The following DGKD variants were observed in gnomAD, a reference collection of about 807,000 sequenced individuals.
The protein encoded by DGKD is DAG kinase delta.
A neutral mutation model predicts 154.4 loss-of-function variants in DGKD; 68 were observed. The ratio of observed to expected loss-of-function variants is 0.44; its 90% CI spans 0.36 to 0.54. DGKD has a LOEUF of 0.54. Among genes scored for constraint, DGKD ranks in the 20% least tolerant of loss-of-function variants. DGKD has a pLI of 0.00. For synonymous variants in DGKD, 693 were observed against 638.0 expected (o/e 1.09, Z -1.30); for missense variants, 1,343 against 1,593.6 (o/e 0.84, Z 2.68).
At chr2:233,370,572 T>TTTTTG (rs1553620748) in intron 1 of DGKD, among the ~76,000 whole-genome samples, 5 of 136,178 alleles carry the variant, frequency 3.7e-5, no homozygotes, top group African/African-American at 1.4e-4. Context: ...AACTTCTTCT[T>TTTTTG]TTTTTTTTTT....
At chr2:233,393,881 C>T (rs1032758085) in intron 3 of DGKD, among the ~76,000 whole-genome samples, 2 of 151,664 alleles carry the variant, frequency 1.3e-5, no homozygotes, top group Non-Finnish European at 2.9e-5. Flanking sequence ...AGGGTTTCAC[C>T]GTGTTGGCTA....
At chr2:233,447,171 C>T (rs1331322601) in intron 12 of DGKD, among the ~76,000 whole-genome samples, 1 of 137,906 alleles carries the variant, frequency 7.3e-6, no homozygotes, top group Non-Finnish European at 1.5e-5. Flanking sequence ...CTCTAGCCGG[C>T]TCTGCCGCGG....
Position 233,437,368 on chromosome 2 carries a change from T to C in DGKD, c.820-9T>C, listed in dbSNP as rs143203690. ...GTGACCCTTGGTGACGCGGGGACTC[T>C]TGTTTCAGGTTCACACATCGTGTAA... On this transcript the variant is annotated splice_polypyrimidine_tract_variant and intron_variant, in intron 7 of 29. Transcript: ENST00000264057. The C allele has an allele frequency of 9.3e-6, 15 of 1,613,866 alleles. No homozygotes were observed. The African/African-American group carries it at 1.3e-4, about 14-fold the overall frequency.
Position 233,452,165 on chromosome 2 carries a change from C to A in DGKD, c.2264+105C>A. ...GAGAAATTAGTGAGCAGTTGCCCAG[C>A]TGGTGGTAGCTGATAAGGAAGGCTG... On this transcript the variant is annotated intron_variant, in intron 18 of 29. Coordinates refer to ENST00000264057, the MANE Select transcript of DGKD (RefSeq NM_152879.3). This position sits in a 1 kb window ranked among gnomAD's most constrained non-coding sequence, Gnocchi z 4.0. 9.6e-7 allele frequency: 1 copy of A among 1,038,074 alleles called. No homozygotes were observed. Among genetic ancestry groups the A allele is most frequent in the South Asian group, 1.4e-5 (1 of 72,812 alleles). 64.3% of individuals were successfully genotyped at this position (1,038,074 alleles called of 1,614,324 possible).
At chr2:233,423,876 G>A (rs887048370) in intron 3 of DGKD, among the ~76,000 whole-genome samples, 2 of 152,138 alleles carry the variant, frequency 1.3e-5, no homozygotes, top group South Asian at 2.1e-4. Context: ...GGTATACCAG[G>A]TAAAAAGAAA....
At chr2:233,468,168 G>C (rs1300297421) in intron 28 of DGKD, among the ~76,000 whole-genome samples, 1 of 151,094 alleles carries the variant, frequency 6.6e-6, no homozygotes, top group Admixed American at 6.6e-5. Context: ...CTGTTGGCTG[G>C]GTGATGGATA....
chr2:233,375,316 G>A (rs1344416698), intron 1 of DGKD, among the ~76,000 whole-genome samples: 3 of 151,858 alleles, frequency 2.0e-5, no homozygotes, highest in South Asian at 2.1e-4. Context: ...AGAAAAAAAA[G>A]AAAGAAAACA....
rs371810174 is a variant in DGKD at position 233,467,242 on chromosome 2, C to T, written c.3424+39C>T. Reference sequence around the variant, plus strand: ...TCCCGCGTGTGTTTCTGGCCGTCCACGCCTGCTGGATCGGCCCCGTTCCCC... The same window carrying T: ...TCCCGCGTGTGTTTCTGGCCGTCCATGCCTGCTGGATCGGCCCCGTTCCCC... On this transcript the variant is annotated intron_variant, in intron 28 of 29. Transcript: ENST00000264057. 44 of 1,431,652 alleles carry T rather than the reference C, an allele frequency of 3.1e-5. 1 individual carries two copies. Among genetic ancestry groups the T allele is most frequent in the African/African-American group, 2.9e-4 (21 of 71,274 alleles). The allele number at this position is 1,431,652 out of a possible 1,614,324, so 88.7% of individuals were successfully genotyped here.
chr2:233,401,088 A>G (rs1048564575), intron 3 of DGKD, among the ~76,000 whole-genome samples: 5 of 151,824 alleles, frequency 3.3e-5, no homozygotes, highest in Admixed American at 6.6e-5. Flanking sequence ...TCATTCTTTA[A>G]GGCAAGCCAG....
chr2:233,383,921 G>A (rs1703027394), intron 1 of DGKD, among the ~76,000 whole-genome samples: 4 of 152,178 alleles, frequency 2.6e-5, no homozygotes, highest in Admixed American at 6.5e-5. Context: ...TTCCGGCAGT[G>A]GGAAGCAGGT....
intron 1 of DGKD, among the ~76,000 whole-genome samples, chr2:233,368,834 G>C (rs186319276): frequency 2.6e-5 from 4 of 152,288 alleles, no homozygotes; most frequent in Non-Finnish European, 4.4e-5. Context: ...GTCTTTAAAG[G>C]CTTGCTTGCT....
At chr2:233,454,918 G>T (rs2063407411) in intron 19 of DGKD, 45 bp downstream of exon 19, 8 of 1,246,386 alleles carry the variant, frequency 6.4e-6, no homozygotes, top group Non-Finnish European at 8.2e-6. Context: ...GCGTCTTTGT[G>T]GCTTCTCCTT....
At chr2:233,428,183 G>A (rs2062376983) in intron 3 of DGKD, among the ~76,000 whole-genome samples, 2 of 152,186 alleles carry the variant, frequency 1.3e-5, no homozygotes. Flanking sequence ...GGTTGGTGTG[G>A]GGGCTGGAGC....
At position 233,436,269 on chromosome 2, in the gene DGKD, G is replaced by A. The variant is rs530187438; in HGVS notation, c.694-47G>A. ...CGAGCATTTCCTGGCTGCCCTGGACGTGGAACCTTGGGAGCGTCCCTAGTG... is the reference window on the plus strand; with the variant it reads ...CGAGCATTTCCTGGCTGCCCTGGACATGGAACCTTGGGAGCGTCCCTAGTG... On this transcript the variant is annotated intron_variant, in intron 6 of 29. Coordinates refer to ENST00000264057, the MANE Select transcript of DGKD (RefSeq NM_152879.3). 53 of 1,611,048 alleles carry A rather than the reference G, an allele frequency of 3.3e-5. No individual in the cohort carries two copies. The East Asian group carries it at 7.6e-4, about 23-fold the overall frequency.
chr2:233,449,123 G>A lies in DGKD; in HGVS notation c.1635G>A (p.Lys545=), dbSNP rs1257060082. 1 of 1,598,494 alleles carries A rather than the reference G, an allele frequency of 6.3e-7. No homozygotes were observed. Among genetic ancestry groups the A allele is most frequent in the South Asian group, 1.1e-5 (1 of 90,750 alleles). ...TTCAGTGCTCTGTCCTGAAAGAGAAGCTGGATTCCCTTCTCAAGACCTTGG... is the reference window on the plus strand; with the variant it reads ...TTCAGTGCTCTGTCCTGAAAGAGAAACTGGATTCCCTTCTCAAGACCTTGG... ...MAKKCSVLKE[K]LDSLLKTLDD... is the part of the protein sequence containing the mutation. The change falls in exon 15 of 30, where the codon AAG becomes AAA. Residue 545 remains lysine (K), a synonymous_variant. Coordinates refer to ENST00000264057, the MANE Select transcript of DGKD (RefSeq NM_152879.3). This position sits in a 1 kb window ranked among gnomAD's most constrained non-coding sequence, Gnocchi z 5.3.
At chr2:233,389,453 A>G (rs1703428328) in intron 2 of DGKD, among the ~76,000 whole-genome samples, 1 of 152,158 alleles carries the variant, frequency 6.6e-6, no homozygotes, top group Admixed American at 6.5e-5. Flanking sequence ...TTTGGTATTT[A>G]AGAAATCTGG....
chr2:233,360,273 C>T (rs1434718581), intron 1 of DGKD, among the ~76,000 whole-genome samples: 2 of 151,442 alleles, frequency 1.3e-5, no homozygotes, highest in Non-Finnish European at 2.9e-5. Context: ...AATTTTTTTT[C>T]TTTTTTTCTG....
chr2:233,382,036 C>T (rs994833675), intron 1 of DGKD, among the ~76,000 whole-genome samples: 5 of 152,182 alleles, frequency 3.3e-5, no homozygotes, highest in African/African-American at 7.2e-5. Context: ...GAGTTCGAGA[C>T]CAGCCTGGCC....
At chr2:233,468,347 G>C (rs1043184810) in intron 28 of DGKD, 76 bp from the exon 29 acceptor site, 6 of 1,571,978 alleles carry the variant, frequency 3.8e-6, no homozygotes, top group Non-Finnish European at 5.2e-6. Context: ...GCTCTCGGGT[G>C]CTGGGTGCCA....
Sources: gnomAD v4.1 joint callset for allele counts (sites outside exome capture counted in the v4.1 genomes callset) on GRCh38, gnomAD v4.1.1 for gene constraint, Gnocchi (gnomAD v3.1) non-coding constraint, MANE v1.5 for transcripts, NCBI Gene and HGNC (gene_info 2026-07-23, HGNC 2026-07-21) for gene names.